The following TBCCD1 variants were observed in gnomAD, a reference collection of about 807,000 sequenced individuals.
The protein encoded by TBCCD1 is TBCC domain-containing protein 1.
A neutral mutation model predicts 53.4 loss-of-function variants in TBCCD1; 26 were observed. The observed-to-expected ratio is 0.49, with a 90% confidence interval of 0.36 to 0.68. TBCCD1 has a LOEUF of 0.68. Ranked by LOEUF, TBCCD1 falls within the 30% of genes least tolerant of loss-of-function variation. TBCCD1 has a pLI of 0.00. For missense variants in TBCCD1, 558 were observed against 669.5 expected, an observed-to-expected ratio of 0.83 and a Z score of 1.84; for synonymous variants, 245 against 241.7, an observed-to-expected ratio of 1.01 and a Z score of -0.13.
At chr3:186,551,052 T>C (rs1714358176) in intron 7 of TBCCD1, 77 bp downstream of exon 7, 3 of 1,501,086 alleles carry the variant, frequency 2.0e-6, no homozygotes, top group Admixed American at 2.1e-5. Context: ...ATGTTTAGTA[T>C]ATAATATTCT....
chr3:186,549,362 A>G (rs1432035095), intron 7 of TBCCD1, among the ~76,000 whole-genome samples: 1 of 152,000 alleles, frequency 6.6e-6, no homozygotes, highest in Non-Finnish European at 1.5e-5. Context: ...GATAAATTCT[A>G]TTAATAATAA....
intron 7 of TBCCD1, among the ~76,000 whole-genome samples, chr3:186,549,992 C>T (rs916135957): frequency 6.6e-6 from 1 of 152,022 alleles, no homozygotes; most frequent in Non-Finnish European, 1.5e-5. Context: ...TTTGGGAAGC[C>T]GAGGTGGGCG....
In TBCCD1 at chr3:186,554,917, A is replaced by T; in HGVS notation, c.1027T>A (p.Tyr343Asn). The change falls in exon 5 of 8, where the codon TAT (tyrosine) becomes AAT (asparagine). Residue 343 changes from tyrosine (Y) to asparagine (N), a missense_variant. Physicochemically the swap from Tyr to Asn is moderately radical, Grantham distance 143. Transcript: ENST00000338733. The stretch of plus-strand genomic sequence containing the variant: ...GCTTACCGTAAGGGAGAGAGCAGAT[A>T]TATAAAAGATTCGTTGCAACGATGA... The part of the protein sequence containing the change: ...KIHRCNESFI[Y>N]LLSPLRSVTI... The T allele has an allele frequency of 1.2e-6, 2 of 1,613,824 alleles. No individual in the cohort carries two copies. The highest frequency in any genetic ancestry group is 1.7e-6 in the Non-Finnish European group (2 of 1,180,022).
chr3:186,547,693 G>A (rs925954971), intron 7 of TBCCD1, among the ~76,000 whole-genome samples: 4 of 147,508 alleles, frequency 2.7e-5, no homozygotes, highest in East Asian at 2.0e-4. Context: ...TGCAAGCTTC[G>A]CCTCCAAGGT....
chr3:186,564,346 T>C lies in TBCCD1; in HGVS notation c.-17A>G, dbSNP rs748869721. 1.3e-6 allele frequency: 2 copies of C among 1,573,804 alleles called. No individual in the cohort carries two copies. The highest frequency in any genetic ancestry group is 2.3e-5 in the South Asian group (2 of 85,848). ...CTGATCCATATTATCTCTAAGGACATCAGGGTGAAAAGGCTTCTTTGCATA... is the reference window on the plus strand; with the variant it reads ...CTGATCCATATTATCTCTAAGGACACCAGGGTGAAAAGGCTTCTTTGCATA... On this transcript the variant is annotated 5_prime_UTR_variant, in exon 2 of 8. It removes an upstream start codon present in the reference 5' UTR. Transcript: ENST00000338733.
intron 2 of TBCCD1, 150 bp downstream of exon 2, chr3:186,563,844 G>A: frequency 2.2e-6 from 2 of 899,876 alleles, no homozygotes; most frequent in Non-Finnish European, 3.2e-6. Flanking sequence ...CAGGAAGACT[G>A]CTTGAAGCCG....
chr3:186,568,583 G>A (rs1041154113), upstream of TBCCD1, among the ~76,000 whole-genome samples: 1 of 152,138 alleles, frequency 6.6e-6, no homozygotes, highest in Admixed American at 6.5e-5. Context: ...GCATTTCAGT[G>A]TGTAAGTCTA....
intron 7 of TBCCD1, among the ~76,000 whole-genome samples, chr3:186,550,151 G>A (rs1040594194): frequency 4.6e-5 from 7 of 151,362 alleles, no homozygotes; most frequent in South Asian, 2.1e-4. Context: ...TGCTTGAACC[G>A]GGGGAGCGGA....
At chr3:186,553,563 T>C (rs1438234506) in intron 6 of TBCCD1, 1 of 152,204 alleles carries the variant, frequency 6.6e-6, no homozygotes, top group Non-Finnish European at 1.5e-5. Flanking sequence ...TGTGTGACTT[T>C]GGGTAAAGTA....
At chr3:186,569,082 C>T (rs551613719), upstream of TBCCD1, among the ~76,000 whole-genome samples, 1 of 151,996 alleles carries the variant, frequency 6.6e-6, no homozygotes, top group African/African-American at 2.4e-5. Flanking sequence ...TACAGTGTTT[C>T]AGGCAAAGGC....
intron 3 of TBCCD1, 124 bp from the exon 4 acceptor site, chr3:186,556,899 T>C (rs1714559875): frequency 2.4e-6 from 3 of 1,228,356 alleles, no homozygotes; most frequent in South Asian, 1.6e-5. Context: ...GGTAGTTATA[T>C]AAACCTTATA....
Position 186,564,285 on chromosome 3 carries a change from A to G in TBCCD1, c.45T>C (p.Phe15=), listed in dbSNP as rs1399350491. Residue 15 remains phenylalanine, a synonymous_variant, in exon 2 of 8, where the codon TTT becomes TTC. Coordinates refer to ENST00000338733, the MANE Select transcript of TBCCD1 (RefSeq NM_018138.5). ...GGGGGACCTGCAAGGCACCCACTATAAAGGGTTCTGCTTTCACCCAGAGGA... is the reference window on the plus strand; with the variant it reads ...GGGGGACCTGCAAGGCACCCACTATGAAGGGTTCTGCTTTCACCCAGAGGA... ...RVLLWVKAEP[F]IVGALQVPPP... is the part of the protein sequence containing the mutation. The G allele has an allele frequency of 1.2e-6, 2 of 1,614,206 alleles. No individual in the cohort carries two copies. The highest frequency in any genetic ancestry group is 3.3e-5 in the Admixed American group (2 of 60,026).
At position 186,554,639 on chromosome 3, in the gene TBCCD1, A is replaced by G. The variant is rs1224521324; in HGVS notation, c.1159T>C (p.Leu387=). 4 of 1,614,254 alleles carry G rather than the reference A, an allele frequency of 2.5e-6. No homozygotes were observed. The highest frequency in any genetic ancestry group is 1.7e-5 in the Admixed American group (1 of 60,038). Residue 387 remains leucine, a synonymous_variant, in exon 6 of 8, where the codon TTG becomes CTG. Transcript: ENST00000338733. ...CAACCTGTTGTAGAAGAGATGGACAAACGATGGCAAACAGCAATGACTTTA... is the reference window on the plus strand; with the variant it reads ...CAACCTGTTGTAGAAGAGATGGACAGACGATGGCAAACAGCAATGACTTTA... The part of the protein sequence containing the change: ...NVKVIAVCHR[L]SISSTTGCIF...
At chr3:186,562,139 C>G (rs1257072677) in intron 2 of TBCCD1, among the ~76,000 whole-genome samples, 1 of 152,042 alleles carries the variant, frequency 6.6e-6, no homozygotes, top group Non-Finnish European at 1.5e-5. Flanking sequence ...GCCAAGAGTT[C>G]AAGACCAGCC....
chr3:186,550,585 C>CAA (rs796629751), intron 7 of TBCCD1, among the ~76,000 whole-genome samples: 4 of 110,642 alleles, frequency 3.6e-5, no homozygotes, highest in Non-Finnish European at 3.8e-5. Context: ...GACTCAGTCT[C>CAA]AAAAAAAAAA....
chr3:186,554,549 C>T lies in TBCCD1; in HGVS notation c.1249G>A (p.Ala417Thr). 6.2e-7 allele frequency: 1 copy of T among 1,614,184 alleles called. No individual in the cohort carries two copies. The highest frequency in any genetic ancestry group is 8.5e-7 in the Non-Finnish European group (1 of 1,180,036). The part of the protein sequence containing the change: ...ILSGNQTVTF[A>T]PFHTHYPMLE... ...ATTGGGTAATGTGTATGAAAAGGGG[C>T]AAAAGTTACTGTCTGGTTCCCAGAG... The change falls in exon 6 of 8, where the codon GCC becomes ACC. Residue 417 changes from alanine to threonine, a missense_variant. Coordinates refer to ENST00000338733, the MANE Select transcript of TBCCD1 (RefSeq NM_018138.5).
At position 186,562,670 on chromosome 3, in the gene TBCCD1, A is replaced by G. The variant is rs371615972; in HGVS notation, c.336+1324T>C. Among the ~76,000 whole-genome samples, 130 of 152,172 alleles carry G rather than the reference A, an allele frequency of 8.5e-4. 4 individuals are homozygous for G. The South Asian group carries it at 0.026, about 30-fold the overall frequency. Reference sequence around the variant, plus strand: ...TATACTTAAAATTCTCTAAGACAGTAGATCTTATGTTAAGTGTTCTTAACA... The same window carrying G: ...TATACTTAAAATTCTCTAAGACAGTGGATCTTATGTTAAGTGTTCTTAACA... On this transcript the variant is annotated intron_variant, in intron 2 of 7. Coordinates refer to ENST00000338733, the MANE Select transcript of TBCCD1 (RefSeq NM_018138.5).
upstream of TBCCD1, among the ~76,000 whole-genome samples, chr3:186,569,640 TAA>T (rs56934961): frequency 6.6e-6 from 1 of 150,532 alleles, no homozygotes; most frequent in Non-Finnish European, 1.5e-5. Flanking sequence ...TTTTTTTTTT[TAA>T]ATCATGGAGT....
rs144559164 is a variant in TBCCD1, at chr3:186,549,451, C to T, written c.*21+1678G>A. On this transcript the variant is annotated intron_variant, in intron 7 of 7. Transcript: ENST00000338733. ...CTTTGGGAGGCCGAGGCAGGAGGAA[C>T]GCTTTAAGCCAGGAGTTTAAGACCA... 3.2e-3 allele frequency among the ~76,000 whole-genome samples: 480 copies of T among 152,136 alleles called. 5 individuals carry two copies. The highest frequency in any genetic ancestry group is 9.6e-3 in the African/African-American group (400 of 41,480).
Sources: gnomAD v4.1 joint callset for allele counts (sites outside exome capture counted in the v4.1 genomes callset) on GRCh38, gnomAD v4.1.1 for gene constraint, MANE v1.5 for transcripts, NCBI Gene and HGNC (gene_info 2026-07-23, HGNC 2026-07-21) for gene names.